Variants in LOC400499 observed in about 807,000 individuals in gnomAD.
the LOC400499 span, chr16:11,449,177 ATC>A: frequency 7.8e-7 from 1 of 1,276,006 alleles, no homozygotes; most frequent in African/African-American, 1.5e-5. Flanking sequence ...ATACCCTTTC[ATC>A]TCTTTCCTGC....
chr16:11,490,396 GAAAAA>G, the LOC400499 span, among the ~76,000 whole-genome samples: 6 of 60,596 alleles, frequency 9.9e-5, no homozygotes, highest in African/African-American at 3.3e-4. Flanking sequence ...ACTCTGTCTC[GAAAAA>G]AAAAAAAAAA....
chr16:11,497,143 C>T, the LOC400499 span, among the ~76,000 whole-genome samples: 1 of 152,156 alleles, frequency 6.6e-6, no homozygotes, highest in African/African-American at 2.4e-5. Context: ...TGTGCATGTA[C>T]ACATGATCCA....
chr16:11,387,303 G>A, the LOC400499 span: 2 of 1,232,234 alleles, frequency 1.6e-6, no homozygotes, highest in Admixed American at 4.2e-5. Flanking sequence ...TTCCTGCAGG[G>A]AATGCAGAGG....
chr16:11,399,759 G>A, the LOC400499 span: 10 of 398,806 alleles, frequency 2.5e-5, no homozygotes, highest in South Asian at 1.3e-4. Flanking sequence ...CTAAGGACCC[G>A]TCAGCCCAGG....
At chr16:11,443,693 C>T in the LOC400499 span, among the ~76,000 whole-genome samples, 1 of 152,120 alleles carries the variant, frequency 6.6e-6, no homozygotes. Flanking sequence ...AGTACTGCTG[C>T]TCCCATTCTG....
chr16:11,496,831 T>A, the LOC400499 span, among the ~76,000 whole-genome samples: 2 of 152,058 alleles, frequency 1.3e-5, no homozygotes, highest in Admixed American at 6.6e-5. Context: ...CACATGTGCA[T>A]ACACTGGGGT....
chr16:11,437,327 G>C, the LOC400499 span, among the ~76,000 whole-genome samples: 2 of 152,194 alleles, frequency 1.3e-5, no homozygotes, highest in African/African-American at 4.8e-5. Flanking sequence ...TGGAGACCAA[G>C]GCAGGAGGAC....
At chr16:11,423,104 A>G in the LOC400499 span, 1 of 399,158 alleles carries the variant, frequency 2.5e-6, no homozygotes, top group Non-Finnish European at 4.4e-6. Flanking sequence ...GGCCCCTGTG[A>G]TCAGGCTGTG....
At chr16:11,385,469 C>T in the LOC400499 span, 1 of 1,167,826 alleles carries the variant, frequency 8.6e-7, no homozygotes, top group Non-Finnish European at 1.1e-6. Context: ...CCACCCACCG[C>T]AGTAGGAGCC....
At chr16:11,523,820 C>T in the LOC400499 span, among the ~76,000 whole-genome samples, 3 of 151,826 alleles carry the variant, frequency 2.0e-5, no homozygotes, top group African/African-American at 7.3e-5. Flanking sequence ...CCATTCCTCC[C>T]ATCCATCAAT....
the LOC400499 span, among the ~76,000 whole-genome samples, chr16:11,468,150 T>C: frequency 7.8e-3 from 1,193 of 152,170 alleles, 17 homozygotes; most frequent in African/African-American, 0.027. Flanking sequence ...GATTTCAGAC[T>C]CCTGGCCTCC....
At chr16:11,418,388 C>T in the LOC400499 span, among the ~76,000 whole-genome samples, 1 of 152,158 alleles carries the variant, frequency 6.6e-6, no homozygotes, top group African/African-American at 2.4e-5. Context: ...GCTGATAAAA[C>T]AGGTTGCAGT....
chr16:11,415,298 G>T, the LOC400499 span, among the ~76,000 whole-genome samples: 1 of 152,172 alleles, frequency 6.6e-6, no homozygotes, highest in Non-Finnish European at 1.5e-5. Flanking sequence ...AACAGATGGC[G>T]CCGATTCTGT....
At chr16:11,383,942 C>G in the LOC400499 span, 18 of 1,231,800 alleles carry the variant, frequency 1.5e-5, no homozygotes, top group African/African-American at 2.2e-4. Flanking sequence ...GCCCAGCAGG[C>G]GGGGAGCTGT....
At chr16:11,524,953 G>A in the LOC400499 span, among the ~76,000 whole-genome samples, 1 of 152,274 alleles carries the variant, frequency 6.6e-6, no homozygotes, top group East Asian at 1.9e-4. Flanking sequence ...CACCTCGACT[G>A]GTCATTGCTA....
chr16:11,386,395 G>A, the LOC400499 span, among the ~76,000 whole-genome samples: 1 of 152,348 alleles, frequency 6.6e-6, no homozygotes, highest in African/African-American at 2.4e-5. Context: ...AGAAGCCCAC[G>A]GTCACACACA....
chr16:11,476,593 A>C, the LOC400499 span, among the ~76,000 whole-genome samples: 1 of 152,124 alleles, frequency 6.6e-6, no homozygotes, highest in African/African-American at 2.4e-5. Context: ...ATGGGTGCAC[A>C]CACTAACACA....
the LOC400499 span, among the ~76,000 whole-genome samples, chr16:11,413,992 G>C: frequency 6.6e-6 from 1 of 152,142 alleles, no homozygotes; most frequent in African/African-American, 2.4e-5. Flanking sequence ...AGGAGGATGA[G>C]ACTGACGAAC....
At chr16:11,436,154 T>C in the LOC400499 span, among the ~76,000 whole-genome samples, 1 of 152,152 alleles carries the variant, frequency 6.6e-6, no homozygotes, top group Non-Finnish European at 1.5e-5. Context: ...ATGGGGAAAC[T>C]GAGGCACTGA....
Sources: gnomAD v4.1 joint callset for allele counts (sites outside exome capture counted in the v4.1 genomes callset) on GRCh38, gnomAD v4.1.1 for gene constraint, MANE v1.5 for transcripts.